Variants in PSMD12 observed in about 807,000 individuals in gnomAD.
PSMD12 encodes the protein 26S proteasome non-ATPase regulatory subunit 12.
PSMD12 carries 8 observed loss-of-function variants against 62.9 expected under a neutral mutation model. That is an observed-to-expected ratio of 0.13 (90% CI 0.07 to 0.23). PSMD12 has a LOEUF of 0.23. PSMD12 is among the 10% of genes least tolerant of loss of function. The pLI is 1.00. For missense variants in PSMD12, 424 were observed against 550.2 expected (o/e 0.77, Z 2.29); for synonymous variants, 173 against 187.4 (o/e 0.92, Z 0.63).
Position 67,340,793 on chromosome 17 carries a change from CT to C in PSMD12, c.*49del. The C allele has an allele frequency of 1.4e-6, 2 of 1,426,448 alleles. No homozygotes were observed. Among genetic ancestry groups the C allele is most frequent in the Non-Finnish European group, 9.5e-7 (1 of 1,057,334 alleles). 88.4% of individuals were successfully genotyped at this position (1,426,448 alleles called of 1,614,324 possible). ...CCAACATATACACCATTATAACAGT[CT>C]TTTTTTAATGACTTCCAATTTTAAC... On this transcript the variant is annotated 3_prime_UTR_variant, in exon 11 of 11. Transcript: ENST00000356126.
chr17:67,342,769 C>T (rs1042090190), intron 9 of PSMD12, among the ~76,000 whole-genome samples: 5 of 151,910 alleles, frequency 3.3e-5, no homozygotes, highest in Middle Eastern at 3.4e-3. Context: ...GACCCCATCC[C>T]CACAAAAAAT....
intron 1 of PSMD12, among the ~76,000 whole-genome samples, chr17:67,365,842 T>G (rs995854027): frequency 1.3e-5 from 2 of 152,124 alleles, no homozygotes; most frequent in African/African-American, 2.4e-5. Flanking sequence ...AGCTTCCTTC[T>G]CGGTGTTCCA....
At chr17:67,346,484 G>A (rs1370864628) in intron 7 of PSMD12, among the ~76,000 whole-genome samples, 3 of 152,050 alleles carry the variant, frequency 2.0e-5, no homozygotes, top group Non-Finnish European at 4.4e-5. Context: ...CGAGTCACTT[G>A]AATCCGGGAG....
intron 3 of PSMD12, among the ~76,000 whole-genome samples, chr17:67,351,702 A>G (rs2143706896): frequency 6.6e-6 from 1 of 152,044 alleles, no homozygotes; most frequent in African/African-American, 2.4e-5. Context: ...CATTGCACCC[A>G]ATAGGTAATT....
At position 67,347,464 on chromosome 17, in the gene PSMD12, C is replaced by T. The variant is rs1292695672; in HGVS notation, c.532G>A (p.Glu178Lys). Residue 178 changes from glutamate (E) to lysine (K), a missense_variant, in exon 6 of 11, where the codon GAA (glutamate) becomes AAA (lysine). Glu to Lys is a moderately conservative substitution (Grantham distance 56). Transcript: ENST00000356126. ...ELQVETYGSMEKKERVEFILE... is the reference protein window; with the variant it reads ...ELQVETYGSMKKKERVEFILE... ...ATAAATTCCACTCGCTCTTTCTTTT[C>T]CATTGACCCGTAGGTTTCCACCTAG... is the stretch of plus-strand genomic sequence containing the variant. 6.2e-7 allele frequency: 1 copy of T among 1,613,488 alleles called. No individual in the cohort carries two copies. Among genetic ancestry groups the T allele is most frequent in the East Asian group, 2.2e-5 (1 of 44,842 alleles).
intron 4 of PSMD12, 59 bp from the exon 5 acceptor site, chr17:67,348,713 G>T: frequency 6.8e-7 from 1 of 1,472,218 alleles, no homozygotes. Context: ...AATTTAAAAA[G>T]TAGGCTGGGT....
intron 7 of PSMD12, among the ~76,000 whole-genome samples, chr17:67,346,098 T>TA (rs1877621080): frequency 6.8e-6 from 1 of 147,440 alleles, no homozygotes; most frequent in African/African-American, 2.5e-5. Flanking sequence ...AATACAAAAA[T>TA]AAAAAAAAAT....
In PSMD12 at chr17:67,357,434, G is replaced by A. The variant is rs1567959407; in HGVS notation, c.169-3C>T. The A allele has an allele frequency of 1.2e-6, 2 of 1,613,422 alleles. No homozygotes were observed. The highest frequency in any genetic ancestry group is 1.7e-6 in the Non-Finnish European group (2 of 1,179,616). ...GATGTCGATACCATATCGGAAGCCT[G>A]TAAGGGTAAAAATATATTGAAAGTT... On this transcript the variant is annotated splice_region_variant and splice_polypyrimidine_tract_variant and intron_variant, in intron 2 of 10. Transcript: ENST00000356126.
rs576230029 is a variant in PSMD12 at position 67,363,844 on chromosome 17, GT to G, written c.108+2567del. 1.5e-3 allele frequency among the ~76,000 whole-genome samples: 223 copies of G among 152,262 alleles called. 1 individual carries two copies. Among genetic ancestry groups the G allele is most frequent in the African/African-American group, 5.1e-3 (212 of 41,550 alleles). ...ACAGGTGGATCACCTGAGGCCAGGA[GT>G]TTGAGACCATCCTGACCAACATGGT... On this transcript the variant is annotated intron_variant, in intron 1 of 10. Coordinates refer to ENST00000356126, the MANE Select transcript of PSMD12 (RefSeq NM_002816.5).
intron 8 of PSMD12, among the ~76,000 whole-genome samples, 197 bp from the exon 9 acceptor site, chr17:67,344,977 C>T (rs1171300998): frequency 6.6e-6 from 1 of 152,202 alleles, no homozygotes. Context: ...ACAGCATTCT[C>T]CCACTTAACA....
intron 1 of PSMD12, among the ~76,000 whole-genome samples, chr17:67,360,318 A>G (rs1340232126): frequency 6.6e-6 from 1 of 152,226 alleles, no homozygotes; most frequent in African/African-American, 2.4e-5. Flanking sequence ...CATACATGTG[A>G]GAGAATCACA....
At chr17:67,363,896 A>C (rs1345216933) in intron 1 of PSMD12, among the ~76,000 whole-genome samples, 1 of 152,122 alleles carries the variant, frequency 6.6e-6, no homozygotes, top group Non-Finnish European at 1.5e-5. Context: ...CTAAAAATAC[A>C]AAATAAGCTG....
intron 2 of PSMD12, 35 bp from the exon 3 acceptor site, chr17:67,357,466 A>G: frequency 6.2e-7 from 1 of 1,612,896 alleles, no homozygotes; most frequent in Non-Finnish European, 8.5e-7. Flanking sequence ...AGTTAATGGA[A>G]GAATGTTCAA....
chr17:67,350,482 T>C (rs2042007285), intron 3 of PSMD12, 146 bp from the exon 4 acceptor site: 3 of 522,980 alleles, frequency 5.7e-6, no homozygotes, highest in Admixed American at 3.9e-5. Flanking sequence ...CACATCGAAA[T>C]CTCACTGATA....
At chr17:67,364,222 C>T (rs79341117) in intron 1 of PSMD12, among the ~76,000 whole-genome samples, 1,695 of 149,268 alleles carry the variant, frequency 0.011, 20 homozygotes, top group Non-Finnish European at 0.019. Flanking sequence ...ATTCAGCTGG[C>T]ACACTGGCTT....
At chr17:67,349,028 T>C (rs1452216344) in intron 4 of PSMD12, among the ~76,000 whole-genome samples, 1 of 152,168 alleles carries the variant, frequency 6.6e-6, no homozygotes, top group Non-Finnish European at 1.5e-5. Context: ...CTACTTTTTT[T>C]TGTTTTTTGA....
At chr17:67,353,074 G>A (rs1424047681) in intron 3 of PSMD12, among the ~76,000 whole-genome samples, 1 of 152,056 alleles carries the variant, frequency 6.6e-6, no homozygotes, top group African/African-American at 2.4e-5. Flanking sequence ...TATTCCTTAT[G>A]GACAAAGGGG....
chr17:67,362,150 T>C (rs926799968), intron 1 of PSMD12, among the ~76,000 whole-genome samples: 14 of 152,196 alleles, frequency 9.2e-5, no homozygotes, highest in African/African-American at 2.4e-4. Context: ...CAAATAACCA[T>C]GTGCCAAATA....
rs1453384278 is a variant in PSMD12 at position 67,339,632 on chromosome 17, C to T, written c.*1211G>A. 6.6e-6 allele frequency: 1 copy of T among 152,080 alleles called. No homozygotes were observed. The highest frequency in any genetic ancestry group is 1.9e-4 in the East Asian group (1 of 5,190). 9.4% of individuals were successfully genotyped at this position (152,080 alleles called of 1,614,324 possible). Reference sequence around the variant, plus strand: ...AGTGGAAAATTAATTAGGAGAAATGCCATTTCTAGAATGCTGTTTTTCTTT... The same window carrying T: ...AGTGGAAAATTAATTAGGAGAAATGTCATTTCTAGAATGCTGTTTTTCTTT... On this transcript the variant is annotated 3_prime_UTR_variant, in exon 11 of 11. Coordinates refer to ENST00000356126, the MANE Select transcript of PSMD12 (RefSeq NM_002816.5).
Sources: allele counts gnomAD v4.1 joint callset (sites outside exome capture counted in the v4.1 genomes callset), GRCh38; gene constraint gnomAD v4.1.1; transcripts MANE v1.5; gene names NCBI Gene and HGNC (gene_info 2026-07-23, HGNC 2026-07-21).